Variants in STIM1 observed in about 807,000 individuals in gnomAD.
The protein encoded by STIM1 is stromal interaction molecule 1.
STIM1 carries 25 observed loss-of-function variants against 74.7 expected under a neutral mutation model. The ratio of observed to expected loss-of-function variants is 0.33; its 90% CI spans 0.24 to 0.47. The LOEUF is 0.47. STIM1 is among the 20% of genes least tolerant of loss of function. The pLI, the probability that STIM1 is intolerant of heterozygous loss-of-function variation, is 1.00. For synonymous variants in STIM1, 328 were observed against 348.8 expected, an observed-to-expected ratio of 0.94 and a Z score of 0.66; for missense variants, 728 against 920.8, an observed-to-expected ratio of 0.79 and a Z score of 2.71.
intron 1 of STIM1, among the ~76,000 whole-genome samples, chr11:3,872,993 G>A (rs1412144283): frequency 2.7e-5 from 4 of 150,328 alleles, no homozygotes; most frequent in Admixed American, 2.6e-4. Context: ...GTGTTGCCCA[G>A]GCAGGAGTGC....
At chr11:3,874,734 A>G (rs553552165) in intron 1 of STIM1, among the ~76,000 whole-genome samples, 19 of 152,320 alleles carry the variant, frequency 1.2e-4, no homozygotes, top group African/African-American at 4.6e-4. Flanking sequence ...TACCTCCCTC[A>G]TCTGACTATT....
At position 3,895,702 on chromosome 11, in the gene STIM1, CT is replaced by C. The variant is rs1425674497; in HGVS notation, c.139+39296del. Among the ~76,000 whole-genome samples, 27 of 29,400 alleles carry C rather than the reference CT, an allele frequency of 9.2e-4. 1 individual carries two copies. The highest frequency in any genetic ancestry group is 1.5e-3 in the Admixed American group (4 of 2,622). The allele number at this position is 29,400 out of a possible 152,430, so 19.3% of individuals were successfully genotyped here. A position where few individuals can be genotyped will look rare whatever the true frequency, so the allele number is the denominator to read the frequency against. Reference sequence around the variant, plus strand: ...TCCTTCCTTCTTTCTTTCTTTCTTTCTTTCTTTCTTTCTTTCTTTCTTTCTT... The same window carrying C: ...TCCTTCCTTCTTTCTTTCTTTCTTTCTTCTTTCTTTCTTTCTTTCTTTCTT... On this transcript the variant is annotated intron_variant, in intron 1 of 12. Transcript: ENST00000526596.
chr11:3,953,388 A>G (rs940655510), intron 1 of STIM1, among the ~76,000 whole-genome samples: 1 of 152,160 alleles, frequency 6.6e-6, no homozygotes, highest in Non-Finnish European at 1.5e-5. Context: ...TTAATAGACA[A>G]AAAACCCCTG....
At chr11:4,005,584 TG>T (rs1554964836) in intron 2 of STIM1, among the ~76,000 whole-genome samples, 1 of 38,646 alleles carries the variant, frequency 2.6e-5, no homozygotes, top group Non-Finnish European at 4.9e-5. Flanking sequence ...TGTTGTGGGG[TG>T]GGGGGAGGGG....
intron 3 of STIM1, among the ~76,000 whole-genome samples, chr11:4,040,286 T>C (rs2094138399): frequency 6.6e-6 from 1 of 152,196 alleles, no homozygotes; most frequent in Non-Finnish European, 1.5e-5. Flanking sequence ...ATTTCTCTGA[T>C]CTACTTGTTT....
intron 3 of STIM1, among the ~76,000 whole-genome samples, chr11:4,025,421 G>A (rs73431629): frequency 0.017 from 2,515 of 152,214 alleles, 68 homozygotes; most frequent in African/African-American, 0.058. Context: ...GTTCCTTCTG[G>A]GGGCTTTTCT....
At chr11:3,892,859 A>G in intron 1 of STIM1, 1 of 1,603,106 alleles carries the variant, frequency 6.2e-7, no homozygotes, top group South Asian at 1.1e-5. Flanking sequence ...GTTGACAGCA[A>G]TGTCGAAGAA....
chr11:3,983,178 C>T (rs1374646429), intron 2 of STIM1, among the ~76,000 whole-genome samples: 1 of 152,178 alleles, frequency 6.6e-6, no homozygotes, highest in Non-Finnish European at 1.5e-5. Context: ...CAGTAATCGG[C>T]CTGCCTTGGC....
intron 2 of STIM1, among the ~76,000 whole-genome samples, chr11:4,022,031 G>T (rs1315743114): frequency 6.6e-6 from 1 of 151,576 alleles, no homozygotes; most frequent in Non-Finnish European, 1.5e-5. Context: ...GGTTTTTCTA[G>T]ATTTAATATC....
chr11:3,954,717 G>A (rs2093190291), intron 1 of STIM1, among the ~76,000 whole-genome samples: 1 of 152,164 alleles, frequency 6.6e-6, no homozygotes, highest in African/African-American at 2.4e-5. Context: ...ATTCTGAGTG[G>A]TTCTTGACCT....
intron 2 of STIM1, among the ~76,000 whole-genome samples, chr11:4,003,831 A>G (rs566192686): frequency 2.0e-5 from 3 of 152,322 alleles, no homozygotes; most frequent in South Asian, 2.1e-4. Flanking sequence ...TTGTATATCT[A>G]GAAAACCCCA....
chr11:3,868,580 T>C (rs149520053), intron 1 of STIM1, among the ~76,000 whole-genome samples: 66 of 152,314 alleles, frequency 4.3e-4, no homozygotes, highest in South Asian at 2.1e-3. Context: ...ATTATACAAT[T>C]TATAGGACTG....
At chr11:3,884,461 A>C (rs146582245) in intron 1 of STIM1, among the ~76,000 whole-genome samples, 1 of 152,288 alleles carries the variant, frequency 6.6e-6, no homozygotes, top group Non-Finnish European at 1.5e-5. Flanking sequence ...GGGAGCTGTC[A>C]TGCTAGCTTG....
At chr11:3,895,683 CTTCTTTCT>C (rs1157478592) in intron 1 of STIM1, among the ~76,000 whole-genome samples, 18 of 37,998 alleles carry the variant, frequency 4.7e-4, no homozygotes, top group African/African-American at 8.0e-4. Context: ...TCCTTCCTTC[CTTCTTTCT>C]TTCTTTCTTT....
intron 1 of STIM1, among the ~76,000 whole-genome samples, chr11:3,964,608 C>T (rs185968348): frequency 1.5e-3 from 234 of 152,264 alleles, no homozygotes; most frequent in Non-Finnish European, 2.7e-3. Context: ...AGGCCCCAAA[C>T]CCTAGAGCTT....
intron 1 of STIM1, among the ~76,000 whole-genome samples, chr11:3,959,280 A>G (rs906931545): frequency 2.0e-5 from 3 of 152,174 alleles, no homozygotes; most frequent in Non-Finnish European, 4.4e-5. Flanking sequence ...TCCTATAGGG[A>G]TGAATTACTG....
chr11:4,016,293 C>G (rs2093895944), intron 2 of STIM1, among the ~76,000 whole-genome samples: 2 of 152,214 alleles, frequency 1.3e-5, no homozygotes, highest in Admixed American at 6.5e-5. Flanking sequence ...TTCCTTCTAA[C>G]AGACAGGCCC....
chr11:3,985,219 T>C (rs994201726), intron 2 of STIM1, among the ~76,000 whole-genome samples: 3 of 152,218 alleles, frequency 2.0e-5, no homozygotes, highest in Non-Finnish European at 2.9e-5. Context: ...CTCTTTGTTA[T>C]TGAGTCTGCT....
chr11:4,013,962 T>G (rs1401342892), intron 2 of STIM1, among the ~76,000 whole-genome samples: 1 of 151,888 alleles, frequency 6.6e-6, no homozygotes. Flanking sequence ...CCGTGTTGGT[T>G]TCCCAAAGTG....
Sources: gnomAD v4.1 joint callset for allele counts (sites outside exome capture counted in the v4.1 genomes callset) on GRCh38, gnomAD v4.1.1 for gene constraint, MANE v1.5 for transcripts, NCBI Gene and HGNC (gene_info 2026-07-23, HGNC 2026-07-21) for gene names.